Variants in EFHD2 observed in about 807,000 individuals in gnomAD.
EFHD2 encodes the protein EF-hand domain-containing protein D2.
EFHD2 carries 12 observed loss-of-function variants against 20.3 expected under a neutral mutation model. That is an observed-to-expected ratio of 0.59 (90% CI 0.38 to 0.96). EFHD2 has a LOEUF of 0.96. Ranked by LOEUF, EFHD2 falls within the 40% of genes least tolerant of loss-of-function variation. EFHD2 has a pLI of 0.00. For missense variants in EFHD2, 250 were observed against 334.3 expected, an observed-to-expected ratio of 0.75 and a Z score of 1.97; for synonymous variants, 131 against 143.9, an observed-to-expected ratio of 0.91 and a Z score of 0.64.
At chr1:15,419,657 G>C (rs1707755160) in intron 1 of EFHD2, among the ~76,000 whole-genome samples, 1 of 152,250 alleles carries the variant, frequency 6.6e-6, no homozygotes, top group Non-Finnish European at 1.5e-5. Flanking sequence ...GGTAGACCAG[G>C]CTATCTGGGT....
In EFHD2 at chr1:15,430,118, C is replaced by G. The variant is rs984995645; in HGVS notation, c.*1394C>G. The G allele has an allele frequency of 2.0e-5, 3 of 152,604 alleles. No individual in the cohort carries two copies. The highest frequency in any genetic ancestry group is 7.2e-5 in the African/African-American group (3 of 41,438). The allele number at this position is 152,604 out of a possible 1,614,324, so 9.5% of individuals were successfully genotyped here. A position where few individuals can be genotyped will look rare whatever the true frequency, so the allele number is the denominator to read the frequency against. ...TAGAATCTGCAGAAATTAGGAGGCA[C>G]CGAGCCCAGCGCAGCAGCCTCGGAC... On this transcript the variant is annotated 3_prime_UTR_variant, in exon 4 of 4. Coordinates refer to ENST00000375980, the MANE Select transcript of EFHD2 (RefSeq NM_024329.6).
In EFHD2 at chr1:15,429,670, G is replaced by A. The variant is rs1022359699; in HGVS notation, c.*946G>A. 2.0e-5 allele frequency: 3 copies of A among 152,480 alleles called. No individual in the cohort carries two copies. Among genetic ancestry groups the A allele is most frequent in the Non-Finnish European group, 4.4e-5 (3 of 68,092 alleles). The allele number at this position is 152,480 out of a possible 1,614,324, so 9.4% of individuals were successfully genotyped here. On this transcript the variant is annotated 3_prime_UTR_variant, in exon 4 of 4. Transcript: ENST00000375980. ...TAAGTGTGTTTGCATGCGCCAGGCG[G>A]TGGGCAGCGGGGGCCTGTCCAGCCC...
At chr1:15,425,800 TCCTTGCACTCAAG>T in intron 1 of EFHD2, 58 bp from the exon 2 acceptor site, 1 of 1,558,454 alleles carries the variant, frequency 6.4e-7, no homozygotes, top group Non-Finnish European at 8.6e-7. Flanking sequence ...TCCCCCAGTC[TCCTTGCACTCAAG>T]CCTGCGGCCT....
At chr1:15,424,302 G>T (rs1468192641) in intron 1 of EFHD2, among the ~76,000 whole-genome samples, 3 of 152,114 alleles carry the variant, frequency 2.0e-5, no homozygotes, top group Non-Finnish European at 2.9e-5. Context: ...TGGTTGATAA[G>T]AGAGCCCAGC....
intron 1 of EFHD2, among the ~76,000 whole-genome samples, chr1:15,412,283 G>A (rs1437660288): frequency 6.6e-6 from 1 of 152,080 alleles, no homozygotes; most frequent in Non-Finnish European, 1.5e-5. Context: ...CCATCGGGCA[G>A]TGCAGAGCTG....
At chr1:15,414,786 A>T (rs966277706) in intron 1 of EFHD2, among the ~76,000 whole-genome samples, 1 of 152,088 alleles carries the variant, frequency 6.6e-6, no homozygotes, top group African/African-American at 2.4e-5. Flanking sequence ...ACAGCTACAT[A>T]TGGCTTTGAT....
intron 3 of EFHD2, chr1:15,428,039 C>CCTAAGATCA (rs1016526690): frequency 6.2e-5 from 29 of 468,492 alleles, no homozygotes; most frequent in African/African-American, 5.2e-4. Context: ...TCAACAACTC[C>CCTAAGATCA]CTAAGATCAG....
chr1:15,427,910 T>G, intron 3 of EFHD2: 1 of 469,796 alleles, frequency 2.1e-6, no homozygotes. Flanking sequence ...GAACTGGGTG[T>G]GCCGCTGGGC....
intron 1 of EFHD2, among the ~76,000 whole-genome samples, chr1:15,411,223 A>AC (rs1165884897): frequency 7.5e-6 from 1 of 133,936 alleles, no homozygotes; most frequent in African/African-American, 2.8e-5. Flanking sequence ...CCCCACAGGG[A>AC]CCCCCCATGT....
chr1:15,413,051 C>T lies in EFHD2; in HGVS notation c.308+2772C>T, dbSNP rs1431052157. Among the ~76,000 whole-genome samples the T allele has an allele frequency of 6.6e-6, 1 of 152,166 alleles. No homozygotes were observed. The highest frequency in any genetic ancestry group is 1.5e-5 in the Non-Finnish European group (1 of 68,042). On this transcript the variant is annotated intron_variant, in intron 1 of 3. Transcript: ENST00000375980. This position sits in a 1 kb window ranked among gnomAD's most constrained non-coding sequence, Gnocchi z 4.4. Reference sequence around the variant, plus strand: ...GGAAACAACGCTTCACTGTGCCAACCGAGCCCAACCCCGCCGCCAACAGAC... The same window carrying T: ...GGAAACAACGCTTCACTGTGCCAACTGAGCCCAACCCCGCCGCCAACAGAC...
rs748912318 is a variant in EFHD2 at position 15,427,233 on chromosome 1, C to A, written c.540C>A (p.Ile180=). The A allele has an allele frequency of 1.9e-6, 3 of 1,609,060 alleles. No individual in the cohort carries two copies. The South Asian group carries it at 3.3e-5, about 18-fold the overall frequency. Residue 180 remains isoleucine, a synonymous_variant, in exon 3 of 4, where the codon ATC becomes ATA. Transcript: ENST00000375980. ...GCGTGCTGGCCCGCCTCTCTGAGAT[C>A]GACGTCTCCAGTGAGGGTGTCAAGG... ...GLCVLARLSE[I]DVSSEGVKGA...
chr1:15,415,736 C>T (rs1293723802), intron 1 of EFHD2, among the ~76,000 whole-genome samples: 3 of 152,044 alleles, frequency 2.0e-5, no homozygotes. Flanking sequence ...GTGATCTGCC[C>T]GCCTCAGCCT....
chr1:15,421,421 C>A (rs1460659161), intron 1 of EFHD2, among the ~76,000 whole-genome samples: 1 of 152,200 alleles, frequency 6.6e-6, no homozygotes. Context: ...CTCTCGCAGC[C>A]CCCGTCACCT....
chr1:15,409,903 G>A lies in EFHD2; in HGVS notation c.-69G>A, dbSNP rs1205094009. 3 of 1,192,280 alleles carry A rather than the reference G, an allele frequency of 2.5e-6. No individual in the cohort carries two copies. The highest frequency in any genetic ancestry group is 1.0e-6 in the Non-Finnish European group (1 of 963,892). The allele number at this position is 1,192,280 out of a possible 1,614,324, so 73.9% of individuals were successfully genotyped here. On this transcript the variant is annotated 5_prime_UTR_variant, in exon 1 of 4. Transcript: ENST00000375980. ...CTGGCCCGGGGAGTGTCAGGAAGAG[G>A]AAGAGCGCGGCCGGCGGCGCTGCGC...
In EFHD2 at chr1:15,428,649, G is replaced by A; in HGVS notation, c.648G>A (p.Glu216=). ...RFEEEIKAEQ[E]ERKKQAEEMK... ...AGGAGGAGATCAAGGCAGAGCAGGA[G>A]GAAAGGAAGAAGCAGGCGGAGGAGA... Residue 216 remains glutamate, a synonymous_variant, in exon 4 of 4, where the codon GAG becomes GAA. Coordinates refer to ENST00000375980, the MANE Select transcript of EFHD2 (RefSeq NM_024329.6). The A allele has an allele frequency of 6.2e-7, 1 of 1,610,556 alleles. No homozygotes were observed.
At position 15,413,309 on chromosome 1, in the gene EFHD2, G is replaced by A. The variant is rs1707578234; in HGVS notation, c.308+3030G>A. The stretch of plus-strand genomic sequence containing the variant: ...AATGGGAGCCAGCCTTTCCTTGGGG[G>A]CCAGGAGCGAGGAACCTGGGCTTCC... On this transcript the variant is annotated intron_variant, in intron 1 of 3. Transcript: ENST00000375980. The surrounding 1 kb of genome is among the most constrained non-coding windows in gnomAD (Gnocchi z 4.4). Among the ~76,000 whole-genome samples, 1 of 152,180 alleles carries A rather than the reference G, an allele frequency of 6.6e-6. No homozygotes were observed. The highest frequency in any genetic ancestry group is 1.5e-5 in the Non-Finnish European group (1 of 68,030).
rs982306355 is a variant in EFHD2, at chr1:15,428,830, T to G, written c.*106T>G. 6.1e-6 allele frequency: 9 copies of G among 1,479,514 alleles called. No individual in the cohort carries two copies. The highest frequency in any genetic ancestry group is 8.2e-6 in the Non-Finnish European group (9 of 1,096,046). The allele number at this position is 1,479,514 out of a possible 1,614,324, so 91.6% of individuals were successfully genotyped here. ...TGCCTGTGTCTGACGGGACCACTAC[T>G]AAAAACCTAAAAATATCTGTGAATG... is the stretch of plus-strand genomic sequence containing the variant. On this transcript the variant is annotated 3_prime_UTR_variant, in exon 4 of 4. Transcript: ENST00000375980.
chr1:15,413,487 CT>C lies in EFHD2; in HGVS notation c.308+3210del, dbSNP rs552001981. On this transcript the variant is annotated intron_variant, in intron 1 of 3. Coordinates refer to ENST00000375980, the MANE Select transcript of EFHD2 (RefSeq NM_024329.6). The surrounding 1 kb of genome is among the most constrained non-coding windows in gnomAD (Gnocchi z 4.4). ...GGATATTGGAACTGCCTTCCAGGGC[CT>C]TCTGGTCCACCCCTCCGTGTTGATT... 6.6e-6 allele frequency among the ~76,000 whole-genome samples: 1 copy of C among 152,290 alleles called. No homozygotes were observed. The highest frequency in any genetic ancestry group is 2.1e-4 in the South Asian group (1 of 4,832).
intron 3 of EFHD2, among the ~76,000 whole-genome samples, chr1:15,428,298 G>A (rs1707907295): frequency 1.3e-5 from 2 of 152,076 alleles, no homozygotes. Flanking sequence ...TTCGAGATCA[G>A]CTAACATGGC....
Sources: gnomAD v4.1 joint callset for allele counts (sites outside exome capture counted in the v4.1 genomes callset) on GRCh38, gnomAD v4.1.1 for gene constraint, Gnocchi (gnomAD v3.1) non-coding constraint, MANE v1.5 for transcripts, NCBI Gene and HGNC (gene_info 2026-07-23, HGNC 2026-07-21) for gene names.